The following RBM20 variants were observed in gnomAD, a reference collection of about 807,000 sequenced individuals.
RBM20 encodes the protein RNA binding motif protein 20, also known as RNA-binding protein 20.
Under a neutral mutation model 110.1 loss-of-function variants are expected in RBM20, and 51 were observed. That is an observed-to-expected ratio of 0.46 (90% CI 0.37 to 0.59). RBM20 has a LOEUF of 0.59. Ranked by LOEUF, RBM20 falls within the 20% of genes least tolerant of loss-of-function variation. The pLI, the probability that RBM20 is intolerant of heterozygous loss-of-function variation, is 0.00. For missense variants in RBM20, 1,512 were observed against 1,574.9 expected (o/e 0.96, Z 0.68); for synonymous variants, 589 against 618.2 (o/e 0.95, Z 0.70).
At chr10:110,799,731 T>C (rs1283635923) in intron 6 of RBM20, 56 bp from the exon 7 acceptor site, 5 of 1,508,070 alleles carry the variant, frequency 3.3e-6, no homozygotes, top group Non-Finnish European at 4.4e-6. Flanking sequence ...TTGTGCTGAA[T>C]CTTGTTTAAG....
intron 5 of RBM20, 118 bp downstream of exon 5, chr10:110,785,007 G>T: frequency 3.0e-6 from 2 of 660,134 alleles, no homozygotes; most frequent in South Asian, 3.9e-5. Context: ...TCTCACTGCA[G>T]CCTTGAACTA....
chr10:110,680,471 G>T (rs1308091198), intron 1 of RBM20, among the ~76,000 whole-genome samples: 4 of 152,198 alleles, frequency 2.6e-5, no homozygotes, highest in East Asian at 1.9e-4. Context: ...CAGCTAAAAA[G>T]GTGGTAGGAG....
intron 3 of RBM20, among the ~76,000 whole-genome samples, chr10:110,783,785 A>G (rs1406254079): frequency 6.6e-6 from 1 of 152,206 alleles, no homozygotes; most frequent in Non-Finnish European, 1.5e-5. Flanking sequence ...TGAAGTATAC[A>G]ATTCAGTGGC....
rs560531065 is a variant in RBM20, at chr10:110,735,798, C to T, written c.192-45003C>T. ...AGAGCTCAGGACACTGACCCATGCA[C>T]GAAAGGTACATAAGTCAAAGTTACT... On this transcript the variant is annotated intron_variant, in intron 1 of 13. Transcript: ENST00000369519. Among the ~76,000 whole-genome samples, 22 of 152,268 alleles carry T rather than the reference C, an allele frequency of 1.4e-4. No homozygotes were observed. In the South Asian group the frequency reaches 2.1e-3, roughly 14 times the overall value.
intron 1 of RBM20, among the ~76,000 whole-genome samples, chr10:110,717,036 T>C (rs1863030123): frequency 1.3e-5 from 2 of 152,248 alleles, no homozygotes; most frequent in South Asian, 4.1e-4. Flanking sequence ...ATTGTTTGTT[T>C]GGTTTTTGCA....
At position 110,783,369 on chromosome 10, in the gene RBM20, T is replaced by C. The variant is rs1844378725; in HGVS notation, c.1279T>C (p.Trp427Arg). ...CTTTTCTTTCCTTCTGACCTAGGAC[T>C]GGGAGCTGCATGTGAAAGGGAAGCT... ...CDKKVFDLKD[W>R]ELHVKGKLHA... The change falls in exon 3 of 14, where the codon TGG (tryptophan) becomes CGG (arginine). Residue 427 changes from tryptophan to arginine, a missense_variant. Coordinates refer to ENST00000369519, the MANE Select transcript of RBM20 (RefSeq NM_001134363.3). The C allele has an allele frequency of 6.4e-7, 1 of 1,551,076 alleles. No homozygotes were observed. The highest frequency in any genetic ancestry group is 1.4e-5 in the African/African-American group (1 of 73,124).
Position 110,821,719 on chromosome 10 carries a change from A to T in RBM20, c.3100A>T (p.Ser1034Cys). 1.3e-6 allele frequency: 2 copies of T among 1,551,726 alleles called. No homozygotes were observed. Among genetic ancestry groups the T allele is most frequent in the Non-Finnish European group, 1.7e-6 (2 of 1,146,996 alleles). Residue 1034 changes from serine to cysteine, a missense_variant, in exon 11 of 14, where the codon AGC becomes TGC. By Grantham distance (112) the Ser-to-Cys change is moderately radical. Around this residue, in one of 3 missense-constraint regions of RBM20, gnomAD observed 358 missense variants for 384.2 expected, o/e 0.93. Transcript: ENST00000369519. ...CYEKEAKGVE[S>C]SDVHPAPTVQ... ...CGAGAAGGAGGCAAAGGGAGTGGAG[A>T]GCTCAGATGTTCATCCAGCCCCTAC...
intron 1 of RBM20, among the ~76,000 whole-genome samples, chr10:110,662,721 C>G (rs1862122828): frequency 6.6e-6 from 1 of 152,216 alleles, no homozygotes; most frequent in Non-Finnish European, 1.5e-5. Context: ...GCTTCTCCAT[C>G]ATGTCACTAT....
chr10:110,681,944 C>T (rs564088220), intron 1 of RBM20, among the ~76,000 whole-genome samples: 1 of 151,984 alleles, frequency 6.6e-6, no homozygotes, highest in South Asian at 2.1e-4. Context: ...GGTTGCAGTG[C>T]AATGGCATGA....
At position 110,701,947 on chromosome 10, in the gene RBM20, G is replaced by A. The variant is rs551887004; in HGVS notation, c.191+57302G>A. 3.3e-5 allele frequency among the ~76,000 whole-genome samples: 5 copies of A among 152,342 alleles called. No homozygotes were observed. In the East Asian group the frequency reaches 9.6e-4, roughly 29 times the overall value. ...GCCAGACAAGGTGCATTCCTCTGGGGATAGAGCAGCAGGACTTTGGGAGCT... is the reference window on the plus strand; with the variant it reads ...GCCAGACAAGGTGCATTCCTCTGGGAATAGAGCAGCAGGACTTTGGGAGCT... On this transcript the variant is annotated intron_variant, in intron 1 of 13. Transcript: ENST00000369519.
chr10:110,783,561 A>G, intron 3 of RBM20, 134 bp downstream of exon 3: 1 of 628,776 alleles, frequency 1.6e-6, no homozygotes, highest in Non-Finnish European at 2.8e-6. Context: ...CCTGCCCTCA[A>G]GGAGCTTGTG....
intron 1 of RBM20, among the ~76,000 whole-genome samples, chr10:110,669,830 A>G (rs1862233287): frequency 6.6e-6 from 1 of 152,238 alleles, no homozygotes; most frequent in African/African-American, 2.4e-5. Flanking sequence ...GTACATTGAC[A>G]CAGTTCTTAA....
At chr10:110,690,920 G>A (rs1407687191) in intron 1 of RBM20, among the ~76,000 whole-genome samples, 3 of 152,078 alleles carry the variant, frequency 2.0e-5, no homozygotes, top group Admixed American at 2.0e-4. Flanking sequence ...CAATACTTTT[G>A]GGCATATACC....
intron 1 of RBM20, among the ~76,000 whole-genome samples, chr10:110,667,613 G>T (rs1371361903): frequency 6.6e-6 from 1 of 152,148 alleles, no homozygotes; most frequent in African/African-American, 2.4e-5. Context: ...TTTCTACCTT[G>T]TTTGCCTCTT....
intron 6 of RBM20, 96 bp downstream of exon 6, chr10:110,797,744 A>G: frequency 2.3e-6 from 3 of 1,324,604 alleles, no homozygotes; most frequent in Non-Finnish European, 3.1e-6. Context: ...TTCTTAACAT[A>G]AAGAGGCGAT....
chr10:110,807,277 C>T (rs1844706320), intron 7 of RBM20, among the ~76,000 whole-genome samples: 3 of 152,150 alleles, frequency 2.0e-5, no homozygotes, highest in African/African-American at 7.2e-5. Context: ...ATAGAAGTAA[C>T]TCCAGGAGGT....
chr10:110,717,609 C>A (rs1863039282), intron 1 of RBM20, among the ~76,000 whole-genome samples: 1 of 152,138 alleles, frequency 6.6e-6, no homozygotes, highest in Non-Finnish European at 1.5e-5. Context: ...CCCACCCCTG[C>A]CGTTGACTGG....
intron 1 of RBM20, among the ~76,000 whole-genome samples, chr10:110,770,788 A>G (rs1402831656): frequency 6.6e-6 from 1 of 152,258 alleles, no homozygotes; most frequent in Non-Finnish European, 1.5e-5. Context: ...TTCACAGAAC[A>G]TGGGGACCAG....
rs1862248418 is a variant in RBM20 at position 110,670,919 on chromosome 10, G to A, written c.191+26274G>A. Among the ~76,000 whole-genome samples the A allele has an allele frequency of 2.0e-5, 3 of 152,254 alleles. No individual in the cohort carries two copies. The South Asian group carries it at 6.2e-4, about 32-fold the overall frequency. ...GCATATATTTTAAAGTATCACACAT[G>A]GTTTTACATTCTATTTTCCTGTTAA... On this transcript the variant is annotated intron_variant, in intron 1 of 13. Coordinates refer to ENST00000369519, the MANE Select transcript of RBM20 (RefSeq NM_001134363.3).
Sources: allele counts gnomAD v4.1 joint callset (sites outside exome capture counted in the v4.1 genomes callset), GRCh38; gene constraint gnomAD v4.1.1; regional missense constraint gnomAD v4.1.1; transcripts MANE v1.5; gene names NCBI Gene and HGNC (gene_info 2026-07-23, HGNC 2026-07-21).